The following SPECC1L variants were observed in gnomAD, a reference collection of about 807,000 sequenced individuals.
SPECC1L encodes cytospin-A.
SPECC1L carries 40 observed loss-of-function variants against 116.8 expected under a neutral mutation model. The observed-to-expected ratio is 0.34, with a 90% CI of 0.27 to 0.45. The LOEUF is 0.45. Among genes scored for constraint, SPECC1L ranks in the 20% least tolerant of loss-of-function variants. The pLI is 1.00. For missense variants in SPECC1L, 1,110 were observed against 1,373.6 expected (o/e 0.81, Z 3.03); for synonymous variants, 504 against 500.6 (o/e 1.01, Z -0.09).
intron 10 of SPECC1L, among the ~76,000 whole-genome samples, chr22:24,340,475 A>G (rs2041155018): frequency 6.6e-6 from 1 of 152,120 alleles, no homozygotes; most frequent in South Asian, 2.1e-4. Context: ...TGTGCTCTCT[A>G]TTAATCAAAC....
At chr22:24,405,205 G>A (rs1203948017) in intron 14 of SPECC1L, among the ~76,000 whole-genome samples, 1 of 152,168 alleles carries the variant, frequency 6.6e-6, no homozygotes, top group Non-Finnish European at 1.5e-5. Context: ...AGAACTTCCA[G>A]CAGCTGGGAT....
intron 14 of SPECC1L, among the ~76,000 whole-genome samples, chr22:24,404,531 C>T (rs2146792448): frequency 6.6e-6 from 1 of 152,330 alleles, no homozygotes; most frequent in East Asian, 1.9e-4. Flanking sequence ...GCTCTCCCTC[C>T]TCATAGCCAG....
Position 24,414,755 on chromosome 22 carries a change from A to G in SPECC1L, c.*132A>G. ...GCTGCCCCACAGCGTGTGAGCCTCC[A>G]GCTCGGGGCTTCCGTATTGGAAGAA... On this transcript the variant is annotated 3_prime_UTR_variant, in exon 17 of 17. Transcript: ENST00000314328. 1.3e-6 allele frequency: 1 copy of G among 754,766 alleles called. No individual in the cohort carries two copies. The highest frequency in any genetic ancestry group is 2.0e-5 in the Admixed American group (1 of 48,958). 46.8% of individuals were successfully genotyped at this position (754,766 alleles called of 1,614,324 possible). A position where few individuals can be genotyped will look rare whatever the true frequency, so the allele number is the denominator to read the frequency against.
At chr22:24,344,472 T>TACTTAATCTGGAG (rs2041248288) in intron 10 of SPECC1L, among the ~76,000 whole-genome samples, 1 of 151,894 alleles carries the variant, frequency 6.6e-6, no homozygotes, top group Non-Finnish European at 1.5e-5. Context: ...GCTAACGTCA[T>TACTTAATCTGGAG]ACTTAATCTG....
chr22:24,350,525 G>A (rs2041400229), intron 11 of SPECC1L, among the ~76,000 whole-genome samples: 1 of 152,116 alleles, frequency 6.6e-6, no homozygotes, highest in South Asian at 2.1e-4. Flanking sequence ...TTTCTGAGTA[G>A]CACAAGTGGC....
intron 14 of SPECC1L, among the ~76,000 whole-genome samples, chr22:24,402,759 G>T (rs2042505551): frequency 1.3e-5 from 2 of 152,228 alleles, no homozygotes; most frequent in South Asian, 4.1e-4. Context: ...GTCCATAAAA[G>T]TGGCATTTCC....
At chr22:24,364,891 A>G (rs770872224) in intron 12 of SPECC1L, among the ~76,000 whole-genome samples, 1 of 152,104 alleles carries the variant, frequency 6.6e-6, no homozygotes, top group Non-Finnish European at 1.5e-5. Flanking sequence ...AGTACTCACT[A>G]TGTGCTTGGT....
chr22:24,356,961 ATCAC>A (rs1312955277), intron 11 of SPECC1L, among the ~76,000 whole-genome samples: 1 of 151,770 alleles, frequency 6.6e-6, no homozygotes, highest in Admixed American at 6.6e-5. Flanking sequence ...GAGTCCCAGT[ATCAC>A]CCCCATCTCC....
intron 3 of SPECC1L, among the ~76,000 whole-genome samples, chr22:24,306,253 A>G (rs977486684): frequency 1.3e-5 from 2 of 151,180 alleles, no homozygotes; most frequent in East Asian, 1.9e-4. Context: ...ACCCTCTTCT[A>G]TGAAGTGCCT....
chr22:24,327,288 A>AC (rs1200001348), intron 6 of SPECC1L, among the ~76,000 whole-genome samples: 12 of 146,294 alleles, frequency 8.2e-5, no homozygotes, highest in Non-Finnish European at 1.2e-4. Context: ...AAAAAAAAAA[A>AC]AAAAAAAAAA....
At chr22:24,395,029 T>C (rs571854105) in intron 14 of SPECC1L, among the ~76,000 whole-genome samples, 1 of 152,242 alleles carries the variant, frequency 6.6e-6, no homozygotes, top group South Asian at 2.1e-4. Flanking sequence ...GGTTTCATCA[T>C]GTTGCCCAGG....
intron 14 of SPECC1L, among the ~76,000 whole-genome samples, chr22:24,398,186 T>A (rs1168992894): frequency 2.0e-5 from 3 of 152,224 alleles, no homozygotes; most frequent in Non-Finnish European, 1.5e-5. Flanking sequence ...CACTTTTGTG[T>A]TGTAGAAGGT....
chr22:24,363,171 G>A (rs2041678267), intron 11 of SPECC1L, 90 bp from the exon 12 acceptor site: 1 of 1,145,470 alleles, frequency 8.7e-7, no homozygotes, highest in East Asian at 2.4e-5. Flanking sequence ...CTTCAAGGCT[G>A]AAAGGAGTAA....
chr22:24,334,687 C>T (rs2041014548), intron 9 of SPECC1L, 114 bp downstream of exon 9: 4 of 1,164,956 alleles, frequency 3.4e-6, no homozygotes, highest in Non-Finnish European at 5.1e-6. Flanking sequence ...CATTAACTTT[C>T]ATATAGTATT....
chr22:24,312,688 C>T (rs1437939085), intron 3 of SPECC1L, among the ~76,000 whole-genome samples: 2 of 151,968 alleles, frequency 1.3e-5, no homozygotes, highest in Non-Finnish European at 2.9e-5. Context: ...TTTAAATTGC[C>T]TTTATAAAAT....
intron 15 of SPECC1L, 39 bp downstream of exon 15, chr22:24,411,743 A>G (rs772274322): frequency 1.2e-5 from 18 of 1,535,526 alleles, no homozygotes; most frequent in Non-Finnish European, 1.4e-5. Context: ...CCCACCTCAC[A>G]GGGTTGGAGG....
intron 12 of SPECC1L, 139 bp from the exon 13 acceptor site, chr22:24,365,337 A>G: frequency 3.8e-6 from 3 of 784,860 alleles, no homozygotes; most frequent in South Asian, 3.6e-5. Context: ...AAAATAAGAA[A>G]TACTTTCCAG....
At chr22:24,404,418 G>A (rs1234441794) in intron 14 of SPECC1L, among the ~76,000 whole-genome samples, 1 of 152,168 alleles carries the variant, frequency 6.6e-6, no homozygotes, top group East Asian at 1.9e-4. Flanking sequence ...CCCCTCATCT[G>A]CTCAGTGCCC....
intron 3 of SPECC1L, among the ~76,000 whole-genome samples, chr22:24,307,238 C>T (rs546441752): frequency 6.6e-6 from 1 of 152,306 alleles, no homozygotes; most frequent in Admixed American, 6.5e-5. Flanking sequence ...TATTGTTTCT[C>T]GCTGCTAGCA....
Sources: gnomAD v4.1 joint callset for allele counts (sites outside exome capture counted in the v4.1 genomes callset) on GRCh38, gnomAD v4.1.1 for gene constraint, MANE v1.5 for transcripts, NCBI Gene and HGNC (gene_info 2026-07-23, HGNC 2026-07-21) for gene names.